Variants in ZNF385D observed in about 807,000 individuals in gnomAD.
ZNF385D encodes the protein zinc finger protein 659.
ZNF385D carries 15 observed loss-of-function variants against 35.8 expected under a neutral mutation model. The ratio of observed to expected loss-of-function variants is 0.42; its 90% CI spans 0.28 to 0.64. ZNF385D has a LOEUF of 0.64. ZNF385D is among the 30% of genes least tolerant of loss of function. The probability of loss-of-function intolerance (pLI) is 0.23; values close to 1 mark genes in which losing one functional copy is unlikely to be tolerated. For missense variants in ZNF385D, 474 were observed against 494.6 expected, an observed-to-expected ratio of 0.96 and a Z score of 0.39; for synonymous variants, 212 against 186.8, an observed-to-expected ratio of 1.13 and a Z score of -1.10.
chr3:22,330,200 T>C (rs1269561130), intron 2 of ZNF385D, among the ~76,000 whole-genome samples: 2 of 152,224 alleles, frequency 1.3e-5, no homozygotes, highest in Non-Finnish European at 2.9e-5. Flanking sequence ...TTTTCTGCCT[T>C]TTACACTTTC....
intron 3 of ZNF385D, among the ~76,000 whole-genome samples, chr3:21,946,317 G>A (rs976920922): frequency 5.9e-5 from 9 of 151,956 alleles, no homozygotes; most frequent in Admixed American, 1.3e-4. Flanking sequence ...ACATTTTTAT[G>A]TATATATATT....
intron 4 of ZNF385D, among the ~76,000 whole-genome samples, chr3:21,470,060 C>T (rs1391460544): frequency 6.6e-6 from 1 of 152,210 alleles, no homozygotes; most frequent in Non-Finnish European, 1.5e-5. Flanking sequence ...ACTTTGCTTA[C>T]TGTGTATCAT....
intron 3 of ZNF385D, among the ~76,000 whole-genome samples, chr3:21,774,631 T>G (rs1002474734): frequency 1.3e-5 from 2 of 151,538 alleles, no homozygotes; most frequent in Non-Finnish European, 2.9e-5. Context: ...GGTGCAGAGA[T>G]AGAGAGAAGT....
intron 3 of ZNF385D, among the ~76,000 whole-genome samples, chr3:21,791,319 A>G (rs1001502730): frequency 2.0e-5 from 3 of 152,252 alleles, no homozygotes; most frequent in African/African-American, 4.8e-5. Context: ...AAATTCCTTC[A>G]GTGGCTCAAA....
chr3:21,886,319 C>T (rs980427622), intron 3 of ZNF385D, among the ~76,000 whole-genome samples: 2 of 151,662 alleles, frequency 1.3e-5, no homozygotes, highest in South Asian at 2.1e-4. Context: ...ATTCGCTGCA[C>T]AGTGATTGTA....
intron 2 of ZNF385D, among the ~76,000 whole-genome samples, chr3:21,586,715 G>C (rs1230545222): frequency 6.6e-6 from 1 of 151,450 alleles, no homozygotes; most frequent in African/African-American, 2.4e-5. Context: ...CTGCATCGCT[G>C]CAGAGTTTTG....
intron 1 of ZNF385D, among the ~76,000 whole-genome samples, chr3:21,690,375 T>C (rs2125341536): frequency 6.6e-6 from 1 of 152,292 alleles, no homozygotes; most frequent in South Asian, 2.1e-4. Context: ...CTAGGAGTCC[T>C]ACTATCTGAC....
intron 3 of ZNF385D, among the ~76,000 whole-genome samples, chr3:21,836,497 T>C (rs558581628): frequency 6.6e-6 from 1 of 152,166 alleles, no homozygotes; most frequent in Non-Finnish European, 1.5e-5. Flanking sequence ...ATATAACACA[T>C]TACAGAGACC....
intron 1 of ZNF385D, among the ~76,000 whole-genome samples, chr3:21,738,851 T>C (rs979603883): frequency 2.3e-4 from 35 of 152,232 alleles, no homozygotes; most frequent in African/African-American, 8.4e-4. Flanking sequence ...TTGCATTTTA[T>C]ACTTAAAGAA....
At chr3:21,673,492 C>A (rs971840177) in intron 1 of ZNF385D, among the ~76,000 whole-genome samples, 1 of 152,118 alleles carries the variant, frequency 6.6e-6, no homozygotes, top group African/African-American at 2.4e-5. Context: ...GAAACTCTTG[C>A]TTTCTCCTGG....
chr3:22,217,287 T>C (rs190703560), intron 2 of ZNF385D, among the ~76,000 whole-genome samples: 4 of 152,280 alleles, frequency 2.6e-5, no homozygotes, highest in Admixed American at 2.6e-4. Flanking sequence ...CTTCCCTTTT[T>C]CTGCTCCCTG....
chr3:22,199,000 T>A (rs943159135), intron 2 of ZNF385D, among the ~76,000 whole-genome samples: 2 of 152,158 alleles, frequency 1.3e-5, no homozygotes, highest in Non-Finnish European at 2.9e-5. Flanking sequence ...TACTACTGTT[T>A]AATAAGTCTC....
chr3:21,866,619 G>A (rs1325050916), intron 3 of ZNF385D, among the ~76,000 whole-genome samples: 1 of 152,190 alleles, frequency 6.6e-6, no homozygotes, highest in Non-Finnish European at 1.5e-5. Flanking sequence ...CAAGACATCT[G>A]CATTTTCAAC....
At chr3:21,998,560 T>A (rs1215763415) in intron 3 of ZNF385D, among the ~76,000 whole-genome samples, 1 of 152,230 alleles carries the variant, frequency 6.6e-6, no homozygotes, top group Admixed American at 6.5e-5. Context: ...GTTGCAGATA[T>A]CTTTAACTAT....
intron 3 of ZNF385D, among the ~76,000 whole-genome samples, chr3:21,824,901 GAT>G: frequency 6.6e-6 from 1 of 152,282 alleles, no homozygotes. Context: ...CTCTAATGCT[GAT>G]TGTAACTATA....
At chr3:21,825,642 G>C (rs62239210) in intron 3 of ZNF385D, among the ~76,000 whole-genome samples, 36,067 of 152,108 alleles carry the variant, frequency 0.24, 4,733 homozygotes, top group Admixed American at 0.36. Flanking sequence ...GTTTTCACAC[G>C]GCAATGTTTA....
rs190216476 is a variant in ZNF385D, at chr3:22,091,804, T to C, written c.325+77013A>G. ...ATATGCATGTTTTTATTTGTATACC[T>C]AAACATTTGTATGTCTCCTTCTTCC... On this transcript the variant is annotated intron_variant, in intron 3 of 5. Coordinates refer to the ZNF385D transcript ENST00000494108. Among the ~76,000 whole-genome samples the C allele has an allele frequency of 2.0e-4, 30 of 152,342 alleles. No individual in the cohort carries two copies. In the South Asian group the frequency reaches 5.8e-3, roughly 29 times the overall value.
At chr3:21,633,191 A>G (rs2065331539) in intron 2 of ZNF385D, among the ~76,000 whole-genome samples, 1 of 152,082 alleles carries the variant, frequency 6.6e-6, no homozygotes, top group African/African-American at 2.4e-5. Flanking sequence ...GTATAATACA[A>G]CAGTACAACT....
intron 3 of ZNF385D, among the ~76,000 whole-genome samples, chr3:21,927,040 A>C (rs1255924041): frequency 6.6e-6 from 1 of 152,122 alleles, no homozygotes; most frequent in Non-Finnish European, 1.5e-5. Context: ...TGAATGGCTT[A>C]GTGTCATCTT....
Sources: allele counts gnomAD v4.1 joint callset (sites outside exome capture counted in the v4.1 genomes callset), GRCh38; gene constraint gnomAD v4.1.1; transcripts MANE v1.5; gene names NCBI Gene and HGNC (gene_info 2026-07-23, HGNC 2026-07-21).